LRFN5: variants seen among roughly 807,000 people sequenced by gnomAD.
LRFN5 encodes leucine rich repeat and fibronectin type III domain containing 5, also known as leucine-rich repeat and fibronectin type-III domain-containing protein 5.
In LRFN5, 24 loss-of-function variants were observed where a neutral mutation model predicts 45.6. That is an observed-to-expected ratio of 0.53 (90% CI 0.38 to 0.74). The LOEUF is 0.74. Ranked by LOEUF, LRFN5 falls within the 30% of genes least tolerant of loss-of-function variation. The probability of loss-of-function intolerance (pLI) is 0.00; values close to 1 mark genes in which losing one functional copy is unlikely to be tolerated. For missense variants in LRFN5, 776 were observed against 861.5 expected (o/e 0.90, Z 1.24); for synonymous variants, 340 against 313.8 (o/e 1.08, Z -0.88).
chr14:41,749,206 AG>A (rs149281229), intron 1 of LRFN5, among the ~76,000 whole-genome samples: 28,839 of 152,034 alleles, frequency 0.19, 3,205 homozygotes, highest in South Asian at 0.34. Flanking sequence ...CCAATACATG[AG>A]CGTTGAGAGA....
chr14:41,819,818 T>C (rs1323080272), intron 2 of LRFN5, among the ~76,000 whole-genome samples: 1 of 152,104 alleles, frequency 6.6e-6, no homozygotes, highest in African/African-American at 2.4e-5. Context: ...TCCTCCAAGA[T>C]TAGGAATTAC....
chr14:41,778,215 G>T lies in LRFN5; in HGVS notation c.-21+11186G>T, dbSNP rs112408642. On this transcript the variant is annotated intron_variant, in intron 2 of 5. Transcript: ENST00000298119. ...CCCAGTCTGAATCTAGAAGAAAATA[G>T]GATTTTTAAAATAAATGAGCAATTA... Among the ~76,000 whole-genome samples, 468 of 151,610 alleles carry T rather than the reference G, an allele frequency of 3.1e-3. 4 individuals are homozygous for T. The highest frequency in any genetic ancestry group is 0.01 in the African/African-American group (419 of 41,468).
At chr14:41,708,684 A>G (rs1385568607) in intron 1 of LRFN5, among the ~76,000 whole-genome samples, 3 of 150,232 alleles carry the variant, frequency 2.0e-5, no homozygotes, top group Admixed American at 6.6e-5. Context: ...TTTGTTCTAT[A>G]TTGATCCCTC....
At chr14:41,608,997 G>A (rs1887620106) in intron 1 of LRFN5, among the ~76,000 whole-genome samples, 1 of 152,120 alleles carries the variant, frequency 6.6e-6, no homozygotes, top group African/African-American at 2.4e-5. Context: ...TTCTACCTCT[G>A]GTGCCAGGTT....
chr14:41,824,974 A>G (rs1407337575), intron 2 of LRFN5, among the ~76,000 whole-genome samples: 3 of 152,122 alleles, frequency 2.0e-5, no homozygotes, highest in South Asian at 2.1e-4. Flanking sequence ...TCAGAGAGAT[A>G]TTGTCGTTTA....
intron 1 of LRFN5, among the ~76,000 whole-genome samples, chr14:41,699,091 T>C (rs1774447577): frequency 6.6e-6 from 1 of 152,204 alleles, no homozygotes; most frequent in African/African-American, 2.4e-5. Context: ...TGTAGAATTT[T>C]TTTTCATTTT....
intron 1 of LRFN5, among the ~76,000 whole-genome samples, chr14:41,674,011 C>G (rs867377127): frequency 7.1e-6 from 1 of 140,660 alleles, no homozygotes; most frequent in Non-Finnish European, 1.5e-5. Flanking sequence ...ACTTCCCAGA[C>G]GCGGTGGCTG....
At chr14:41,865,287 T>C (rs1594477315) in intron 2 of LRFN5, among the ~76,000 whole-genome samples, 1 of 152,296 alleles carries the variant, frequency 6.6e-6, no homozygotes, top group East Asian at 1.9e-4. Flanking sequence ...TCTGAATCTA[T>C]TGATTTTGGA....
chr14:41,896,484 AG>A (rs1479139262), intron 4 of LRFN5, among the ~76,000 whole-genome samples: 1 of 152,188 alleles, frequency 6.6e-6, no homozygotes. Context: ...GTATGTGAAA[AG>A]GATATTTTTC....
chr14:41,870,908 T>C (rs1355297825), intron 2 of LRFN5, among the ~76,000 whole-genome samples: 1 of 152,116 alleles, frequency 6.6e-6, no homozygotes, highest in East Asian at 1.9e-4. Context: ...TTTTTAACTC[T>C]CAAAAATTTT....
At chr14:41,651,176 AT>A (rs1880108414) in intron 1 of LRFN5, among the ~76,000 whole-genome samples, 1 of 152,112 alleles carries the variant, frequency 6.6e-6, no homozygotes, top group African/African-American at 2.4e-5. Context: ...TGTGTATATT[AT>A]TTGCTATCAC....
intron 1 of LRFN5, among the ~76,000 whole-genome samples, chr14:41,630,766 A>G (rs1375526786): frequency 6.6e-6 from 1 of 152,130 alleles, no homozygotes; most frequent in Non-Finnish European, 1.5e-5. Context: ...TCACTTGTAA[A>G]GTCTTTTATA....
chr14:41,706,196 G>T (rs964615788), intron 1 of LRFN5, among the ~76,000 whole-genome samples: 9 of 151,994 alleles, frequency 5.9e-5, no homozygotes, highest in African/African-American at 2.2e-4. Flanking sequence ...CACCTCCCAG[G>T]TTCAAGCGAT....
chr14:41,842,495 G>A (rs771594085), intron 2 of LRFN5, among the ~76,000 whole-genome samples: 7 of 151,888 alleles, frequency 4.6e-5, no homozygotes, highest in Non-Finnish European at 8.8e-5. Context: ...GAATTTTGTA[G>A]TCTATTAGTA....
chr14:41,658,928 C>T (rs1880500479), intron 1 of LRFN5, among the ~76,000 whole-genome samples: 1 of 151,990 alleles, frequency 6.6e-6, no homozygotes, highest in Admixed American at 6.6e-5. Context: ...CTCATTATCT[C>T]ATTCCTTAAT....
At chr14:41,848,229 A>G (rs1372671270) in intron 2 of LRFN5, among the ~76,000 whole-genome samples, 1 of 152,138 alleles carries the variant, frequency 6.6e-6, no homozygotes, top group Admixed American at 6.6e-5. Context: ...AAAATAAATA[A>G]TAATAATAAA....
At chr14:41,677,892 A>T (rs1373345330) in intron 1 of LRFN5, among the ~76,000 whole-genome samples, 1 of 152,108 alleles carries the variant, frequency 6.6e-6, no homozygotes, top group African/African-American at 2.4e-5. Context: ...AAGTACAATT[A>T]ACCCTAAGTA....
intron 2 of LRFN5, among the ~76,000 whole-genome samples, chr14:41,817,025 C>T (rs111624289): frequency 1.9e-3 from 269 of 142,564 alleles, no homozygotes; most frequent in African/African-American, 6.5e-3. Context: ...TTGAGATAGC[C>T]TCAAGCTCAG....
intron 1 of LRFN5, among the ~76,000 whole-genome samples, chr14:41,750,543 A>G (rs554551586): frequency 6.6e-6 from 1 of 152,078 alleles, no homozygotes; most frequent in African/African-American, 2.4e-5. Flanking sequence ...ATAATAAAGT[A>G]CATATATTAA....
Sources: allele counts gnomAD v4.1 joint callset (sites outside exome capture counted in the v4.1 genomes callset), GRCh38; gene constraint gnomAD v4.1.1; transcripts MANE v1.5; gene names NCBI Gene and HGNC (gene_info 2026-07-23, HGNC 2026-07-21).